Variants in FLI1 observed in about 807,000 individuals in gnomAD.
The protein encoded by FLI1 is Fli-1 proto-oncogene, ETS transcription factor.
A neutral mutation model predicts 53.1 loss-of-function variants in FLI1; 13 were observed. That is an observed-to-expected ratio of 0.24 (90% CI 0.16 to 0.39). The LOEUF (loss-of-function observed/expected upper bound fraction) is 0.39. Ranked by LOEUF, FLI1 falls within the 10% of genes least tolerant of loss-of-function variation. FLI1 has a pLI of 1.00. For missense variants in FLI1, 424 were observed against 600.5 expected, an observed-to-expected ratio of 0.71 and a Z score of 3.07; for synonymous variants, 244 against 236.7, an observed-to-expected ratio of 1.03 and a Z score of -0.28.
upstream of FLI1, among the ~76,000 whole-genome samples, chr11:128,692,312 A>AG (rs1267810573): frequency 1.3e-5 from 2 of 152,006 alleles, no homozygotes; most frequent in Non-Finnish European, 2.9e-5. Context: ...CCCCAGGCAA[A>AG]GGGGGGGACT....
chr11:128,700,959 A>G (rs1388010873), intron 1 of FLI1, among the ~76,000 whole-genome samples: 1 of 152,236 alleles, frequency 6.6e-6, no homozygotes, highest in African/African-American at 2.4e-5. Context: ...ATAGCTGTAC[A>G]AGTCTCTTAG....
intron 6 of FLI1, 47 bp downstream of exon 6, chr11:128,805,478 G>A (rs143373952): frequency 3.3e-6 from 4 of 1,197,010 alleles, no homozygotes; most frequent in East Asian, 5.1e-5. Flanking sequence ...TGTTTCTGAG[G>A]ACAGGATTGG....
chr11:128,702,813 G>A (rs1938393551), intron 1 of FLI1, among the ~76,000 whole-genome samples: 1 of 150,676 alleles, frequency 6.6e-6, no homozygotes, highest in African/African-American at 2.4e-5. Context: ...AGTGAGCCAA[G>A]ATCGTGCCTC....
chr11:128,759,318 G>A (rs576439096), intron 2 of FLI1, among the ~76,000 whole-genome samples: 3 of 152,298 alleles, frequency 2.0e-5, no homozygotes, highest in African/African-American at 4.8e-5. Context: ...TTTGAGCACC[G>A]ATGTGACATT....
chr11:128,756,816 G>T (rs1940878490), intron 1 of FLI1, among the ~76,000 whole-genome samples: 1 of 152,196 alleles, frequency 6.6e-6, no homozygotes, highest in African/African-American at 2.4e-5. Context: ...GATTCGATGA[G>T]ACATGGAATA....
chr11:128,712,189 G>A (rs1181179038), intron 1 of FLI1, among the ~76,000 whole-genome samples: 1 of 152,134 alleles, frequency 6.6e-6, no homozygotes, highest in Non-Finnish European at 1.5e-5. Context: ...CCTGAGATCT[G>A]GTTGTTAAAA....
chr11:128,738,851 C>T (rs1940012742), intron 1 of FLI1, among the ~76,000 whole-genome samples: 1 of 152,188 alleles, frequency 6.6e-6, no homozygotes, highest in African/African-American at 2.4e-5. Context: ...AAAGCAAAGA[C>T]CCAGGGCTAC....
intron 3 of FLI1, among the ~76,000 whole-genome samples, chr11:128,769,470 G>T (rs760811279): frequency 1.1e-4 from 16 of 152,116 alleles, no homozygotes; most frequent in Admixed American, 2.0e-4. Flanking sequence ...AGGTCTAAAG[G>T]CAGAAATGTT....
At position 128,812,889 on chromosome 11, in the gene FLI1, C is replaced by T; in HGVS notation, c.*1901C>T. ...CCAAGGAAGAAACTTGCCTCCAGTT[C>T]CTTCACTGTTAGGTAGCTTATTTTC... On this transcript the variant is annotated 3_prime_UTR_variant, in exon 9 of 9. Coordinates refer to ENST00000527786, the MANE Select transcript of FLI1 (RefSeq NM_002017.5). The T allele has an allele frequency of 8.7e-6, 1 of 114,504 alleles. No homozygotes were observed. Among genetic ancestry groups the T allele is most frequent in the East Asian group, 1.5e-4 (1 of 6,672 alleles). The allele number at this position is 114,504 out of a possible 1,614,324, so 7.1% of individuals were successfully genotyped here. A position where few individuals can be genotyped will look rare whatever the true frequency, so the allele number is the denominator to read the frequency against.
At chr11:128,789,288 C>T (rs1005118810) in intron 5 of FLI1, among the ~76,000 whole-genome samples, 1 of 152,138 alleles carries the variant, frequency 6.6e-6, no homozygotes, top group African/African-American at 2.4e-5. Context: ...AGAACCTGTG[C>T]ACCATGGCTT....
At chr11:128,787,964 G>T (rs534090241) in intron 5 of FLI1, among the ~76,000 whole-genome samples, 1 of 151,598 alleles carries the variant, frequency 6.6e-6, no homozygotes, top group Non-Finnish European at 1.5e-5. Context: ...CCGCCACCAC[G>T]CCCAGCTAAT....
chr11:128,690,348 G>C (rs1565448833), upstream of FLI1, among the ~76,000 whole-genome samples: 1 of 152,190 alleles, frequency 6.6e-6, no homozygotes, highest in African/African-American at 2.4e-5. Flanking sequence ...AGCGGCCCGA[G>C]ACATTCTGCC....
intron 5 of FLI1, among the ~76,000 whole-genome samples, chr11:128,786,836 A>G (rs1942100426): frequency 6.6e-6 from 1 of 152,154 alleles, no homozygotes. Flanking sequence ...TTTCCAAAAG[A>G]CAGAGGATAT....
At chr11:128,763,766 G>T (rs1941219332) in intron 2 of FLI1, among the ~76,000 whole-genome samples, 1 of 152,208 alleles carries the variant, frequency 6.6e-6, no homozygotes, top group African/African-American at 2.4e-5. Flanking sequence ...AGGATACACA[G>T]GATCCTGGAA....
chr11:128,725,975 G>A lies in FLI1; in HGVS notation c.18+31699G>A, dbSNP rs1180470708. The stretch of plus-strand genomic sequence containing the variant: ...AAGAGAAGCCGGAGGGGACTGAGGA[G>A]TCCAGATCCTGGCTGGCCAGGGGAG... On this transcript the variant is annotated intron_variant, in intron 1 of 8. Coordinates refer to ENST00000527786, the MANE Select transcript of FLI1 (RefSeq NM_002017.5). Among the ~76,000 whole-genome samples the A allele has an allele frequency of 2.6e-5, 4 of 152,214 alleles. No homozygotes were observed. In the East Asian group the frequency reaches 7.7e-4, roughly 29 times the overall value.
chr11:128,710,111 A>T (rs1050368754), intron 1 of FLI1, among the ~76,000 whole-genome samples: 4 of 152,212 alleles, frequency 2.6e-5, no homozygotes, highest in African/African-American at 9.7e-5. Context: ...CTCATCATGC[A>T]TCATCAATAT....
chr11:128,686,320 G>GGGGCACC (rs1865801795), upstream of FLI1: 1 of 456,116 alleles, frequency 2.2e-6, no homozygotes, highest in African/African-American at 2.0e-5. Context: ...GTTCGAAACT[G>GGGGCACC]CCCAGGCCCT....
At chr11:128,758,024 C>T in intron 1 of FLI1, 91 bp from the exon 2 acceptor site, 2 of 1,177,564 alleles carry the variant, frequency 1.7e-6, no homozygotes, top group Non-Finnish European at 1.2e-6. Context: ...CCTGGGGCAG[C>T]CCTGGGCCAC....
chr11:128,687,110 G>A (rs1417100422), intron 1 of FLI1, among the ~76,000 whole-genome samples: 1 of 152,268 alleles, frequency 6.6e-6, no homozygotes, highest in Non-Finnish European at 1.5e-5. Flanking sequence ...CTGTTTGCAT[G>A]TGGGCGTGTG....
Sources: gnomAD v4.1 joint callset for allele counts (sites outside exome capture counted in the v4.1 genomes callset) on GRCh38, gnomAD v4.1.1 for gene constraint, MANE v1.5 for transcripts, NCBI Gene and HGNC (gene_info 2026-07-23, HGNC 2026-07-21) for gene names.